Variants in SRP72 observed in about 807,000 individuals in gnomAD.
SRP72 encodes the protein signal recognition particle subunit SRP72.
Under a neutral mutation model 96.3 loss-of-function variants are expected in SRP72, and 49 were observed. The observed-to-expected ratio is 0.51, with a 90% CI of 0.40 to 0.65. The LOEUF (loss-of-function observed/expected upper bound fraction) is 0.65, where lower values mean the gene tolerates loss of function less well. Ranked by LOEUF, SRP72 falls within the 30% of genes least tolerant of loss-of-function variation. The pLI, the probability that SRP72 is intolerant of heterozygous loss-of-function variation, is 0.00. For synonymous variants in SRP72, 267 were observed against 275.2 expected, an observed-to-expected ratio of 0.97 and a Z score of 0.30; for missense variants, 736 against 793.3, an observed-to-expected ratio of 0.93 and a Z score of 0.87.
intron 11 of SRP72, 143 bp from the exon 12 acceptor site, chr4:56,487,806 G>A (rs954965504): frequency 4.8e-4 from 298 of 616,822 alleles, no homozygotes; most frequent in Non-Finnish European, 7.0e-4. Flanking sequence ...AGACCCCAAA[G>A]TTTATATGTT....
In SRP72 at chr4:56,478,578, CTTG is replaced by C. The variant is rs1560678692; in HGVS notation, c.768-8_768-6del. The stretch of plus-strand genomic sequence containing the variant: ...AAGGTTTGTTTGGTTTTGACTGTTG[CTTG>C]TTGTTCACAGACCAACAGATGTGGG... On this transcript the variant is annotated splice_polypyrimidine_tract_variant and intron_variant, in intron 7 of 18. Transcript: ENST00000642900. 1.9e-6 allele frequency: 3 copies of C among 1,613,616 alleles called. No homozygotes were observed. Among genetic ancestry groups the C allele is most frequent in the Non-Finnish European group, 8.5e-7 (1 of 1,179,794 alleles).
chr4:56,490,921 A>G (rs776788294), intron 15 of SRP72, among the ~76,000 whole-genome samples: 2 of 152,242 alleles, frequency 1.3e-5, no homozygotes, highest in Non-Finnish European at 2.9e-5. Context: ...CAAGGTAAAG[A>G]AAAAGCATAT....
In SRP72 at chr4:56,471,810, G is replaced by A; in HGVS notation, c.321G>A (p.Gln107=). The change falls in exon 3 of 19, where the codon CAG becomes CAA. Residue 107 remains glutamine, a synonymous_variant. Coordinates refer to ENST00000642900, the MANE Select transcript of SRP72 (RefSeq NM_006947.4). ...AGACAATAGAAAGTGCCAACCAGCA[G>A]ACAGACAAACTGAAGGAGCTTTATG... is the stretch of plus-strand genomic sequence containing the variant. ...ALKTIESANQ[Q]TDKLKELYGQ... The A allele has an allele frequency of 1.2e-6, 2 of 1,613,998 alleles. No individual in the cohort carries two copies. Among genetic ancestry groups the A allele is most frequent in the Non-Finnish European group, 1.7e-6 (2 of 1,179,976 alleles).
At chr4:56,496,146 AC>A (rs1578197381) in intron 17 of SRP72, among the ~76,000 whole-genome samples, 2 of 152,108 alleles carry the variant, frequency 1.3e-5, no homozygotes, top group African/African-American at 4.8e-5. Context: ...GCTTGATTTT[AC>A]CTAGTCAGAT....
rs571827827 is a variant in SRP72, at chr4:56,473,941, C to T, written c.355-113C>T. The T allele has an allele frequency of 4.8e-5, 46 of 957,932 alleles. No homozygotes were observed. The African/African-American group carries it at 7.4e-4, about 15-fold the overall frequency. 59.3% of individuals were successfully genotyped at this position (957,932 alleles called of 1,614,324 possible). A position where few individuals can be genotyped will look rare whatever the true frequency, so the allele number is the denominator to read the frequency against. ...TATAAAACATAAACAGTTGATTGTT[C>T]ATGTTATGCTGAACTAGGATTCCTA... On this transcript the variant is annotated intron_variant, in intron 3 of 18. Coordinates refer to ENST00000642900, the MANE Select transcript of SRP72 (RefSeq NM_006947.4).
intron 5 of SRP72, 88 bp from the exon 6 acceptor site, chr4:56,476,583 T>C: frequency 7.2e-7 from 1 of 1,390,856 alleles, no homozygotes; most frequent in Non-Finnish European, 1.0e-6. Flanking sequence ...AATCTTCTGC[T>C]TAGGAATTTA....
chr4:56,478,295 A>C, intron 6 of SRP72, 84 bp from the exon 7 acceptor site: 1 of 1,373,208 alleles, frequency 7.3e-7, no homozygotes, highest in South Asian at 1.7e-5. Flanking sequence ...TCAGGATTGT[A>C]TCTCTTTTGA....
Position 56,490,378 on chromosome 4 carries a change from T to G in SRP72, c.1366T>G (p.Phe456Val), listed in dbSNP as rs758736639. 6.2e-7 allele frequency: 1 copy of G among 1,614,032 alleles called. No homozygotes were observed. The highest frequency in any genetic ancestry group is 8.5e-7 in the Non-Finnish European group (1 of 1,179,968). Residue 456 changes from phenylalanine to valine, a missense_variant, in exon 14 of 19, where the codon TTC becomes GTC. Phe to Val is a conservative substitution (Grantham distance 50, BLOSUM62 -1). Coordinates refer to ENST00000642900, the MANE Select transcript of SRP72 (RefSeq NM_006947.4). ...HLSLIREAAN[F>V]KLKYGRKKEA... is the part of the protein sequence containing the mutation. ...GTCCTTGATAAGAGAAGCTGCAAAC[T>G]TCAAACTCAAATATGGGCGGAAGAA... is the stretch of plus-strand genomic sequence containing the variant.
At position 56,491,489 on chromosome 4, in the gene SRP72, C is replaced by T. The variant is rs750768786; in HGVS notation, c.1561C>T (p.Leu521Phe). ...GTCTCTAAAAGTAGATGTTGAGGCTCTTGAAAATTCTGCTGGTGCTACATA... is the reference window on the plus strand; with the variant it reads ...GTCTCTAAAAGTAGATGTTGAGGCTTTTGAAAATTCTGCTGGTGCTACATA... Reference protein sequence around the residue: ...SMSLKVDVEALENSAGATYIR... With the variant: ...SMSLKVDVEAFENSAGATYIR... The change falls in exon 16 of 19, where the codon CTT becomes TTT. Residue 521 changes from leucine to phenylalanine, a missense_variant. Leu to Phe is a conservative substitution (Grantham distance 22). Transcript: ENST00000642900. The T allele has an allele frequency of 6.2e-7, 1 of 1,613,948 alleles. No individual in the cohort carries two copies. The highest frequency in any genetic ancestry group is 2.2e-5 in the East Asian group (1 of 44,832).
chr4:56,493,372 C>T (rs759372061), intron 16 of SRP72, among the ~76,000 whole-genome samples: 1 of 152,034 alleles, frequency 6.6e-6, no homozygotes, highest in Non-Finnish European at 1.5e-5. Context: ...TTAAGATATA[C>T]ATTGACTTTT....
intron 10 of SRP72, among the ~76,000 whole-genome samples, chr4:56,485,174 C>T (rs749247124): frequency 6.6e-6 from 1 of 152,116 alleles, no homozygotes; most frequent in Non-Finnish European, 1.5e-5. Context: ...TACTTAACCT[C>T]TTTTGCAATA....
Position 56,489,433 on chromosome 4 carries a change from A to G in SRP72, c.1270A>G (p.Ser424Gly). 3 of 1,603,160 alleles carry G rather than the reference A, an allele frequency of 1.9e-6. No homozygotes were observed. Among genetic ancestry groups the G allele is most frequent in the South Asian group, 1.1e-5 (1 of 89,846 alleles). Residue 424 changes from serine (S) to glycine (G), a missense_variant, in exon 13 of 19, where the codon AGT (serine) becomes GGT (glycine). Around this residue, in one of 3 missense-constraint regions of SRP72, gnomAD observed 388 missense variants for 431.8 expected, o/e 0.90. Coordinates refer to ENST00000642900, the MANE Select transcript of SRP72 (RefSeq NM_006947.4). ...GTATAGCCATGAAGAAGATATTGAT[A>G]GTGCCATTGAGGTCTTCACACAAGC... ...TMYSHEEDIDSAIEVFTQAIQ... is the reference protein window; with the variant it reads ...TMYSHEEDIDGAIEVFTQAIQ...
chr4:56,477,649 G>T (rs1462785565), intron 6 of SRP72, among the ~76,000 whole-genome samples: 1 of 151,982 alleles, frequency 6.6e-6, no homozygotes, highest in African/African-American at 2.4e-5. Context: ...AAACACAACT[G>T]CATAATGGGT....
chr4:56,477,363 G>GAATGATC (rs1720286362), intron 6 of SRP72, among the ~76,000 whole-genome samples: 1 of 127,228 alleles, frequency 7.9e-6, no homozygotes, highest in African/African-American at 3.1e-5. Context: ...GGATTGCTGT[G>GAATGATC]ATATGATCAT....
At chr4:56,479,248 C>T (rs528663825) in intron 8 of SRP72, among the ~76,000 whole-genome samples, 14 of 152,206 alleles carry the variant, frequency 9.2e-5, no homozygotes, top group Admixed American at 3.3e-4. Flanking sequence ...GACACGATCT[C>T]GGCTCACTGC....
At chr4:56,496,297 T>G (rs1382931530) in intron 17 of SRP72, among the ~76,000 whole-genome samples, 1 of 152,224 alleles carries the variant, frequency 6.6e-6, no homozygotes, top group Non-Finnish European at 1.5e-5. Flanking sequence ...CTCCTCCATC[T>G]GTTTTCCAGC....
chr4:56,482,682 A>G (rs1720550025), intron 8 of SRP72, among the ~76,000 whole-genome samples: 1 of 152,180 alleles, frequency 6.6e-6, no homozygotes, highest in Non-Finnish European at 1.5e-5. Context: ...TCTAAATTCT[A>G]GAGGGCATAG....
Position 56,489,468 on chromosome 4 carries a change from G to A in SRP72, c.1305G>A (p.Trp435Ter). 1 of 1,584,354 alleles carries A rather than the reference G, an allele frequency of 6.3e-7. No individual in the cohort carries two copies. Among genetic ancestry groups the A allele is most frequent in the African/African-American group, 1.3e-5 (1 of 74,628 alleles). ...AGGTCTTCACACAAGCTATCCAGTG[G>A]TATCAAAACCATCAGGTAAATAAAT... ...AIEVFTQAIQ[W>*]YQNHQPKSPA... Residue 435 changes from tryptophan to a stop codon, truncating the protein, a stop_gained, in exon 13 of 19, where the codon TGG becomes TGA. Coordinates refer to ENST00000642900, the MANE Select transcript of SRP72 (RefSeq NM_006947.4). LOFTEE classifies it high-confidence loss of function.
intron 11 of SRP72, among the ~76,000 whole-genome samples, chr4:56,486,811 T>A (rs150523859): frequency 6.6e-6 from 1 of 152,332 alleles, no homozygotes; most frequent in Non-Finnish European, 1.5e-5. Context: ...TTTTACACTT[T>A]GCCACCTATG....
Sources: gnomAD v4.1 joint callset for allele counts (sites outside exome capture counted in the v4.1 genomes callset) on GRCh38, gnomAD v4.1.1 for gene constraint, gnomAD v4.1.1 regional missense constraint, MANE v1.5 for transcripts, NCBI Gene and HGNC (gene_info 2026-07-23, HGNC 2026-07-21) for gene names.